Variants in REELD1 observed in about 807,000 individuals in gnomAD.
REELD1 encodes the protein reelin domain-containing protein 1.
REELD1 carries 12 observed loss-of-function variants against 6.3 expected under a neutral mutation model. The ratio of observed to expected loss-of-function variants is 1.89; its 90% CI spans 1.21 to 3.07. REELD1 has a LOEUF of 3.07. Among genes scored for constraint, REELD1 ranks in the 30% most tolerant of loss-of-function variants. The probability of loss-of-function intolerance (pLI) is 0.00; values close to 1 mark genes in which losing one functional copy is unlikely to be tolerated. For missense variants in REELD1, 163 were observed against 86.8 expected (o/e 1.88, Z -3.49); for synonymous variants, 57 against 33.6 (o/e 1.70, Z -2.42).
At chr4:146,226,720 AT>A (rs1188033743) in intron 5 of REELD1, among the ~76,000 whole-genome samples, 3 of 152,222 alleles carry the variant, frequency 2.0e-5, no homozygotes, top group African/African-American at 7.2e-5. Flanking sequence ...AGGGGGGCAC[AT>A]TAAGACCATA....
At chr4:146,223,793 C>T (rs1164063243) in intron 4 of REELD1, among the ~76,000 whole-genome samples, 3 of 152,224 alleles carry the variant, frequency 2.0e-5, no homozygotes, top group Non-Finnish European at 2.9e-5. Context: ...ACGCTCACTG[C>T]GTCTCGAGCC....
At chr4:146,219,320 C>G (rs997550051) in intron 3 of REELD1, among the ~76,000 whole-genome samples, 1 of 152,160 alleles carries the variant, frequency 6.6e-6, no homozygotes, top group Non-Finnish European at 1.5e-5. Context: ...AATGACTTGA[C>G]AGAGTGCCTC....
intron 5 of REELD1, among the ~76,000 whole-genome samples, chr4:146,225,749 A>G (rs1418719735): frequency 6.6e-6 from 1 of 152,354 alleles, no homozygotes; most frequent in African/African-American, 2.4e-5. Context: ...AGCTTCAGGA[A>G]GAAGTGTCAT....
chr4:146,220,587 G>A (rs928841887), intron 3 of REELD1, among the ~76,000 whole-genome samples: 2 of 152,186 alleles, frequency 1.3e-5, no homozygotes, highest in African/African-American at 4.8e-5. Context: ...TCAGCGAGTT[G>A]GGATTTCATT....
chr4:146,219,434 T>G (rs991859086), intron 3 of REELD1, among the ~76,000 whole-genome samples: 1 of 152,184 alleles, frequency 6.6e-6, no homozygotes, highest in Non-Finnish European at 1.5e-5. Context: ...GTTATCCTGC[T>G]CATAGATACA....
rs1268013223 is a variant in REELD1, at chr4:146,231,471, A to C, written c.*958A>C. ...ATTGCTTTGATTTAACAGTGGCTCC[A>C]CAGATACTATCTGAGGTCAAAACAA... On this transcript the variant is annotated 3_prime_UTR_variant, in exon 8 of 8. Transcript: ENST00000623665. 1.3e-5 allele frequency among the ~76,000 whole-genome samples: 2 copies of C among 152,246 alleles called. No individual in the cohort carries two copies. The highest frequency in any genetic ancestry group is 4.8e-5 in the African/African-American group (2 of 41,470).
chr4:146,230,220 G>A lies in REELD1; in HGVS notation c.1288G>A (p.Gly430Arg). ...TNPRPDIGLEGAQAPLGIQLR... is the reference protein window; with the variant it reads ...TNPRPDIGLERAQAPLGIQLR... ...CCCACGGCCTGACATTGGGCTAGAGGGAGCCCAGGCCCCTCTGGGTATCCA... is the reference window on the plus strand; with the variant it reads ...CCCACGGCCTGACATTGGGCTAGAGAGAGCCCAGGCCCCTCTGGGTATCCA... The change falls in exon 8 of 8, where the codon GGA becomes AGA. Residue 430 changes from glycine (G) to arginine (R), a missense_variant. By Grantham distance (125) the Gly-to-Arg change is moderately radical. Coordinates refer to ENST00000623665, the MANE Select transcript of REELD1 (RefSeq NM_001354631.1). 2.5e-6 allele frequency: 1 copy of A among 398,804 alleles called. No individual in the cohort carries two copies. Among genetic ancestry groups the A allele is most frequent in the South Asian group, 1.3e-4 (1 of 7,854 alleles). 24.7% of individuals were successfully genotyped at this position (398,804 alleles called of 1,614,324 possible).
At chr4:146,220,775 A>G (rs1458787977) in intron 3 of REELD1, among the ~76,000 whole-genome samples, 1 of 152,142 alleles carries the variant, frequency 6.6e-6, no homozygotes, top group African/African-American at 2.4e-5. Context: ...AATCACCAAC[A>G]CTGGTTTTAG....
intron 3 of REELD1, among the ~76,000 whole-genome samples, chr4:146,219,194 T>C (rs1043886538): frequency 6.6e-6 from 1 of 152,050 alleles, no homozygotes; most frequent in African/African-American, 2.4e-5. Context: ...AAAACCACTA[T>C]GTCAGTGAGA....
At chr4:146,225,553 C>T (rs1731006346) in intron 5 of REELD1, among the ~76,000 whole-genome samples, 1 of 152,184 alleles carries the variant, frequency 6.6e-6, no homozygotes, top group African/African-American at 2.4e-5. Context: ...CTCCTCCAAC[C>T]TTCCCACCAA....
Position 146,230,760 on chromosome 4 carries a change from A to AG in REELD1, c.*248dup, listed in dbSNP as rs1200854859. On this transcript the variant is annotated 3_prime_UTR_variant, in exon 8 of 8. Transcript: ENST00000623665. ...TTTTGCAATTAGACGTTCTGTTTGA[A>AG]GACTTAAACTCAACACAATGAATAT... 1 of 321,616 alleles carries AG rather than the reference A, an allele frequency of 3.1e-6. No homozygotes were observed. Among genetic ancestry groups the AG allele is most frequent in the Admixed American group, 4.9e-5 (1 of 20,210 alleles). The allele number at this position is 321,616 out of a possible 1,614,324, so 19.9% of individuals were successfully genotyped here.
chr4:146,230,771 C>T lies in REELD1; in HGVS notation c.*258C>T. The stretch of plus-strand genomic sequence containing the variant: ...GACGTTCTGTTTGAAGACTTAAACT[C>T]AACACAATGAATATTGTATAACCCG... On this transcript the variant is annotated 3_prime_UTR_variant, in exon 8 of 8. Transcript: ENST00000623665. 1 of 302,914 alleles carries T rather than the reference C, an allele frequency of 3.3e-6. No individual in the cohort carries two copies. The highest frequency in any genetic ancestry group is 6.1e-6 in the Non-Finnish European group (1 of 165,152). The allele number at this position is 302,914 out of a possible 1,614,324, so 18.8% of individuals were successfully genotyped here. A position where few individuals can be genotyped will look rare whatever the true frequency, so the allele number is the denominator to read the frequency against.
Position 146,223,808 on chromosome 4 carries a change from G to A in REELD1, c.432-637G>A, listed in dbSNP as rs183536189. On this transcript the variant is annotated intron_variant, in intron 4 of 7. Coordinates refer to ENST00000623665, the MANE Select transcript of REELD1 (RefSeq NM_001354631.1). ...ACGCTCACTGCGTCTCGAGCCTCTG[G>A]GTGACTTCGGCCAAATTAATCACCT... 2.0e-4 allele frequency among the ~76,000 whole-genome samples: 30 copies of A among 152,304 alleles called. No homozygotes were observed. The East Asian group carries it at 5.6e-3, about 28-fold the overall frequency.
chr4:146,229,195 GA>G, intron 7 of REELD1, 107 bp downstream of exon 7: 1 of 646,768 alleles, frequency 1.5e-6, no homozygotes, highest in Middle Eastern at 2.4e-4. Flanking sequence ...CAAAGTTAGA[GA>G]GAAGAAGGCA....
chr4:146,221,137 C>G (rs552171923), intron 3 of REELD1, among the ~76,000 whole-genome samples: 1 of 152,264 alleles, frequency 6.6e-6, no homozygotes, highest in Non-Finnish European at 1.5e-5. Flanking sequence ...GTTGTACAAC[C>G]ATCATCACTA....
chr4:146,227,987 G>A (rs1329409989), intron 5 of REELD1, among the ~76,000 whole-genome samples: 1 of 152,130 alleles, frequency 6.6e-6, no homozygotes, highest in East Asian at 1.9e-4. Context: ...AGACAGGCCA[G>A]GGACTCACTC....
At chr4:146,228,098 C>T (rs1731056626) in intron 5 of REELD1, 112 bp from the exon 6 acceptor site, 2 of 627,572 alleles carry the variant, frequency 3.2e-6, no homozygotes, top group Non-Finnish European at 5.7e-6. Flanking sequence ...ATGGTCTCTC[C>T]TTGAGGCATA....
At chr4:146,216,216 A>G (rs1730823170) in intron 2 of REELD1, among the ~76,000 whole-genome samples, 1 of 152,254 alleles carries the variant, frequency 6.6e-6, no homozygotes, top group Non-Finnish European at 1.5e-5. Context: ...AAACAAAAAT[A>G]AAATTTACTC....
intron 3 of REELD1, among the ~76,000 whole-genome samples, chr4:146,219,129 G>T (rs1730876634): frequency 6.6e-6 from 1 of 152,156 alleles, no homozygotes; most frequent in African/African-American, 2.4e-5. Context: ...TCCAGCCTGG[G>T]TGACAGTGAC....
Sources: gnomAD v4.1 joint callset for allele counts (sites outside exome capture counted in the v4.1 genomes callset) on GRCh38, gnomAD v4.1.1 for gene constraint, MANE v1.5 for transcripts, NCBI Gene and HGNC (gene_info 2026-07-23, HGNC 2026-07-21) for gene names.